The following TAFA1 variants were observed in gnomAD, a reference collection of about 807,000 sequenced individuals.
The protein encoded by TAFA1 is chemokine-like protein TAFA-1.
A neutral mutation model predicts 18.5 loss-of-function variants in TAFA1; 4 were observed. The ratio of observed to expected loss-of-function variants is 0.22; its 90% confidence interval spans 0.11 to 0.49. The LOEUF (loss-of-function observed/expected upper bound fraction) is 0.49. Among genes scored for constraint, TAFA1 ranks in the 20% least tolerant of loss-of-function variants. TAFA1 has a pLI of 0.98. For synonymous variants in TAFA1, 56 were observed against 55.2 expected, an observed-to-expected ratio of 1.01 and a Z score of -0.06; for missense variants, 147 against 169.0, an observed-to-expected ratio of 0.87 and a Z score of 0.72.
At chr3:68,312,429 C>T (rs1021431493) in intron 2 of TAFA1, among the ~76,000 whole-genome samples, 4 of 152,142 alleles carry the variant, frequency 2.6e-5, no homozygotes, top group Non-Finnish European at 5.9e-5. Flanking sequence ...ACCCAAGTCA[C>T]CTCTTGAAGG....
At chr3:68,481,648 A>G (rs2072238511) in intron 3 of TAFA1, among the ~76,000 whole-genome samples, 1 of 152,190 alleles carries the variant, frequency 6.6e-6, no homozygotes, top group South Asian at 2.1e-4. Context: ...CTCCAGGGGT[A>G]TTGAGAGACT....
chr3:68,419,795 A>G (rs1217289811), intron 3 of TAFA1, among the ~76,000 whole-genome samples: 2 of 152,190 alleles, frequency 1.3e-5, no homozygotes, highest in Non-Finnish European at 2.9e-5. Flanking sequence ...CACTCAAGCT[A>G]GGCTAAGTAA....
At chr3:68,128,896 A>C (rs552023396) in intron 2 of TAFA1, among the ~76,000 whole-genome samples, 1 of 152,014 alleles carries the variant, frequency 6.6e-6, no homozygotes, top group South Asian at 2.1e-4. Flanking sequence ...TCCTAGATGA[A>C]ATGAAAATTT....
At chr3:68,158,878 T>TA (rs2065894900) in intron 2 of TAFA1, among the ~76,000 whole-genome samples, 1 of 152,164 alleles carries the variant, frequency 6.6e-6, no homozygotes, top group Non-Finnish European at 1.5e-5. Flanking sequence ...TTCTTGTAGT[T>TA]TGAATGGGGA....
intron 3 of TAFA1, among the ~76,000 whole-genome samples, chr3:68,468,229 A>G (rs2071927170): frequency 2.0e-5 from 3 of 152,234 alleles, no homozygotes. Flanking sequence ...TGAAAGTAAC[A>G]CAGTATAATT....
chr3:68,326,079 A>G (rs937915855), intron 2 of TAFA1, among the ~76,000 whole-genome samples: 1 of 152,200 alleles, frequency 6.6e-6, no homozygotes, highest in African/African-American at 2.4e-5. Context: ...AACAAATGGC[A>G]ATTTAAAGGA....
intron 2 of TAFA1, among the ~76,000 whole-genome samples, chr3:68,087,809 G>A (rs1412713490): frequency 6.6e-6 from 1 of 151,984 alleles, no homozygotes; most frequent in Non-Finnish European, 1.5e-5. Context: ...TTTTGTGAAT[G>A]TCCCCTGAAT....
intron 2 of TAFA1, among the ~76,000 whole-genome samples, chr3:68,415,699 C>T (rs2070820935): frequency 6.6e-6 from 1 of 152,072 alleles, no homozygotes; most frequent in Non-Finnish European, 1.5e-5. Context: ...TACCATATGT[C>T]AGGCTCGGCA....
chr3:68,019,786 C>T (rs1017682736), intron 2 of TAFA1, among the ~76,000 whole-genome samples: 8 of 151,770 alleles, frequency 5.3e-5, no homozygotes, highest in East Asian at 1.9e-4. Context: ...ACAACAACAA[C>T]GAAAACAACA....
intron 2 of TAFA1, among the ~76,000 whole-genome samples, chr3:68,078,987 G>A (rs976689622): frequency 6.6e-6 from 1 of 152,202 alleles, no homozygotes; most frequent in Non-Finnish European, 1.5e-5. Flanking sequence ...CACAATTTCA[G>A]AGCCTGTTAT....
At chr3:67,994,337 A>G in the TAFA1 span, among the ~76,000 whole-genome samples, 2 of 152,224 alleles carry the variant, frequency 1.3e-5, no homozygotes, top group Admixed American at 6.5e-5. Context: ...AGTCCCAGGT[A>G]GACTGTGTTG....
At chr3:68,446,216 A>C (rs1379810138) in intron 3 of TAFA1, among the ~76,000 whole-genome samples, 1 of 152,040 alleles carries the variant, frequency 6.6e-6, no homozygotes, top group African/African-American at 2.4e-5. Context: ...CTATTTTTAT[A>C]CATAAAGTTT....
At chr3:68,358,781 G>T (rs1006364434) in intron 2 of TAFA1, among the ~76,000 whole-genome samples, 1 of 151,884 alleles carries the variant, frequency 6.6e-6, no homozygotes, top group African/African-American at 2.4e-5. Context: ...ATACCTTGCT[G>T]GTTCTTAGGT....
At chr3:68,435,997 T>C (rs948099950) in intron 3 of TAFA1, among the ~76,000 whole-genome samples, 10 of 152,108 alleles carry the variant, frequency 6.6e-5, no homozygotes, top group African/African-American at 2.4e-4. Flanking sequence ...GGTCTAGACA[T>C]TTGCATTTTT....
chr3:68,480,847 CA>C (rs770125864), intron 3 of TAFA1, among the ~76,000 whole-genome samples: 7 of 152,072 alleles, frequency 4.6e-5, no homozygotes, highest in Non-Finnish European at 7.3e-5. Context: ...GGGAGGGACC[CA>C]GTGAGAGATA....
chr3:68,382,440 T>C (rs2069989360), intron 2 of TAFA1, among the ~76,000 whole-genome samples: 1 of 152,134 alleles, frequency 6.6e-6, no homozygotes, highest in Non-Finnish European at 1.5e-5. Context: ...TGCTTATGGT[T>C]AGCCAGTTAT....
chr3:68,357,659 G>A (rs569625782), intron 2 of TAFA1, among the ~76,000 whole-genome samples: 9 of 151,974 alleles, frequency 5.9e-5, no homozygotes, highest in African/African-American at 1.4e-4. Flanking sequence ...ACTAGACACA[G>A]GGGGAGAAAA....
At chr3:68,314,749 C>T (rs1232198805) in intron 2 of TAFA1, among the ~76,000 whole-genome samples, 1 of 151,850 alleles carries the variant, frequency 6.6e-6, no homozygotes, top group African/African-American at 2.4e-5. Flanking sequence ...GATGCTCAGC[C>T]CAGCTTCCCC....
intron 2 of TAFA1, among the ~76,000 whole-genome samples, chr3:68,065,067 A>G (rs1295932849): frequency 6.6e-6 from 1 of 152,084 alleles, no homozygotes; most frequent in Admixed American, 6.6e-5. Flanking sequence ...AAGTGGTTTA[A>G]TTTTGACTGT....
Sources: gnomAD v4.1 joint callset for allele counts (sites outside exome capture counted in the v4.1 genomes callset) on GRCh38, gnomAD v4.1.1 for gene constraint, MANE v1.5 for transcripts, NCBI Gene and HGNC (gene_info 2026-07-23, HGNC 2026-07-21) for gene names.